SH3RF1: variants seen among roughly 807,000 people sequenced by gnomAD.
The protein encoded by SH3RF1 is E3 ubiquitin-protein ligase SH3RF1.
SH3RF1 carries 32 observed loss-of-function variants against 74.0 expected under a neutral mutation model. The ratio of observed to expected loss-of-function variants is 0.43; its 90% confidence interval spans 0.33 to 0.58. The LOEUF is 0.58. Among genes scored for constraint, SH3RF1 ranks in the 20% least tolerant of loss-of-function variants. SH3RF1 has a pLI of 0.05. For synonymous variants in SH3RF1, 396 were observed against 439.6 expected, an observed-to-expected ratio of 0.90 and a Z score of 1.24; for missense variants, 954 against 1,130.9, an observed-to-expected ratio of 0.84 and a Z score of 2.24.
At chr4:169,103,086 A>ATTTTTTTTTTTTTTTTTT (rs60740517) in intron 11 of SH3RF1, among the ~76,000 whole-genome samples, 1 of 87,072 alleles carries the variant, frequency 1.1e-5, no homozygotes, top group Non-Finnish European at 2.1e-5. Context: ...GCGCCTGGCT[A>ATTTTTTTTTTTTTTTTTT]TTTTTTTTTT....
chr4:169,134,004 G>A (rs1315847203), intron 5 of SH3RF1, among the ~76,000 whole-genome samples: 3 of 152,266 alleles, frequency 2.0e-5, no homozygotes, highest in Middle Eastern at 3.4e-3. Context: ...AAGAGTTTTT[G>A]CACGTCACAA....
At chr4:169,149,604 T>C (rs1183877279) in intron 4 of SH3RF1, among the ~76,000 whole-genome samples, 1 of 152,202 alleles carries the variant, frequency 6.6e-6, no homozygotes, top group Admixed American at 6.5e-5. Context: ...CAAAAATTTA[T>C]TTACTTCAGG....
At chr4:169,217,623 A>C (rs1369888680) in intron 2 of SH3RF1, among the ~76,000 whole-genome samples, 1 of 152,212 alleles carries the variant, frequency 6.6e-6, no homozygotes, top group Non-Finnish European at 1.5e-5. Flanking sequence ...CAAAGGAATA[A>C]GGCAAAGGAC....
chr4:169,147,825 A>T (rs1733917142), intron 4 of SH3RF1, among the ~76,000 whole-genome samples: 1 of 152,178 alleles, frequency 6.6e-6, no homozygotes, highest in South Asian at 2.1e-4. Context: ...TAGAATATTC[A>T]TTCAGTCTTT....
intron 9 of SH3RF1, among the ~76,000 whole-genome samples, 170 bp from the exon 10 acceptor site, chr4:169,116,800 C>A (rs1733341747): frequency 1.3e-5 from 2 of 152,104 alleles, no homozygotes; most frequent in South Asian, 4.2e-4. Context: ...TTAGCTGGAT[C>A]CCCAGACACT....
At chr4:169,209,752 C>T (rs1171299759) in intron 2 of SH3RF1, among the ~76,000 whole-genome samples, 1 of 152,112 alleles carries the variant, frequency 6.6e-6, no homozygotes, top group East Asian at 1.9e-4. Flanking sequence ...TGGTGCAATT[C>T]ATGCCATGCA....
intron 2 of SH3RF1, among the ~76,000 whole-genome samples, chr4:169,224,321 ATT>A (rs11459151): frequency 2.7e-5 from 4 of 146,390 alleles, no homozygotes; most frequent in Admixed American, 6.8e-5. Context: ...CTAATTTCCT[ATT>A]TTTTTTTTTT....
chr4:169,110,894 C>T (rs759204560), intron 10 of SH3RF1, among the ~76,000 whole-genome samples: 15 of 152,074 alleles, frequency 9.9e-5, no homozygotes, highest in Admixed American at 8.5e-4. Context: ...TGAAGTTATG[C>T]GTAGAAAATG....
intron 6 of SH3RF1, among the ~76,000 whole-genome samples, chr4:169,128,961 T>G (rs778619212): frequency 1.3e-5 from 2 of 152,174 alleles, no homozygotes; most frequent in African/African-American, 4.8e-5. Context: ...CTCTGTGAAG[T>G]AGATACTTAT....
intron 2 of SH3RF1, among the ~76,000 whole-genome samples, chr4:169,192,920 G>GATAT (rs55727951): frequency 6.8e-6 from 1 of 146,862 alleles, no homozygotes; most frequent in African/African-American, 2.5e-5. Flanking sequence ...ATATATATGT[G>GATAT]ATATATATAT....
intron 2 of SH3RF1, among the ~76,000 whole-genome samples, chr4:169,186,870 G>C (rs536391556): frequency 2.7e-5 from 4 of 150,408 alleles, no homozygotes; most frequent in East Asian, 2.0e-4. Context: ...AAAAATTAGC[G>C]GGGCGTGGTG....
chr4:169,269,261 G>C lies in SH3RF1; in HGVS notation c.-49C>G. ...AATCTTCAGAAATGTTCATAGTTGT[G>C]TGCATCCCTTAAAATGACTCATGTA... On this transcript the variant is annotated 5_prime_UTR_variant, in exon 2 of 12. Transcript: ENST00000284637. 1 of 1,505,596 alleles carries C rather than the reference G, an allele frequency of 6.6e-7. No individual in the cohort carries two copies. 93.3% of individuals were successfully genotyped at this position (1,505,596 alleles called of 1,614,324 possible). A position where few individuals can be genotyped will look rare whatever the true frequency, so the allele number is the denominator to read the frequency against.
Position 169,199,337 on chromosome 4 carries a change from A to T in SH3RF1, c.394-42658T>A, listed in dbSNP as rs1734870440. 2.0e-5 allele frequency among the ~76,000 whole-genome samples: 3 copies of T among 152,226 alleles called. No homozygotes were observed. The South Asian group carries it at 6.2e-4, about 32-fold the overall frequency. On this transcript the variant is annotated intron_variant, in intron 2 of 11. Coordinates refer to ENST00000284637, the MANE Select transcript of SH3RF1 (RefSeq NM_020870.4). Reference sequence around the variant, plus strand: ...AGTGGCTTAACACATCATTCTCATAACAGTCTAATGTTTGGTTGGCAGGTG... The same window carrying T: ...AGTGGCTTAACACATCATTCTCATATCAGTCTAATGTTTGGTTGGCAGGTG...
chr4:169,148,083 T>G (rs1190323021), intron 4 of SH3RF1, among the ~76,000 whole-genome samples: 1 of 152,224 alleles, frequency 6.6e-6, no homozygotes, highest in Non-Finnish European at 1.5e-5. Context: ...AAAATTAACC[T>G]TTTAGGTGTG....
At chr4:169,143,451 C>A (rs1011952860) in intron 4 of SH3RF1, among the ~76,000 whole-genome samples, 63 of 152,184 alleles carry the variant, frequency 4.1e-4, no homozygotes, top group African/African-American at 1.4e-3. Flanking sequence ...CATTGGATGG[C>A]ACAGCTCTAG....
At chr4:169,200,955 A>G (rs911689769) in intron 2 of SH3RF1, among the ~76,000 whole-genome samples, 3 of 152,206 alleles carry the variant, frequency 2.0e-5, no homozygotes, top group African/African-American at 7.2e-5. Context: ...AGAGAACAGA[A>G]GTCTTCAGTG....
chr4:169,255,622 T>C (rs10646992), intron 2 of SH3RF1, among the ~76,000 whole-genome samples: 278 of 124,720 alleles, frequency 2.2e-3, no homozygotes, highest in East Asian at 6.1e-3. Context: ...CATACACACA[T>C]ACACACACAC....
chr4:169,226,254 T>C (rs1003432115), intron 2 of SH3RF1, among the ~76,000 whole-genome samples: 3 of 151,956 alleles, frequency 2.0e-5, no homozygotes, highest in African/African-American at 4.8e-5. Flanking sequence ...GATAAAAGAG[T>C]ATATTTTGTT....
chr4:169,124,518 T>C (rs891431019), intron 6 of SH3RF1, among the ~76,000 whole-genome samples: 7 of 152,234 alleles, frequency 4.6e-5, no homozygotes, highest in African/African-American at 1.4e-4. Context: ...AGGTTCTTCC[T>C]GACAGAAAAG....
Sources: gnomAD v4.1 joint callset for allele counts (sites outside exome capture counted in the v4.1 genomes callset) on GRCh38, gnomAD v4.1.1 for gene constraint, MANE v1.5 for transcripts, NCBI Gene and HGNC (gene_info 2026-07-23, HGNC 2026-07-21) for gene names.